Variants in ASZ1 observed in about 807,000 individuals in gnomAD.
The protein encoded by ASZ1 is ankyrin repeat, SAM and basic leucine zipper domain-containing protein 1.
In ASZ1, 67 loss-of-function variants were observed where a neutral mutation model predicts 61.8. The ratio of observed to expected loss-of-function variants is 1.08; its 90% CI spans 0.89 to 1.33. The LOEUF (loss-of-function observed/expected upper bound fraction) is 1.33. Ranked by LOEUF, ASZ1 falls within the 40% of genes most tolerant of loss-of-function variation. The pLI is 0.00. For missense variants in ASZ1, 577 were observed against 554.5 expected (o/e 1.04, Z -0.41); for synonymous variants, 193 against 192.7 (o/e 1.00, Z -0.01).
chr7:117,384,610 A>G, intron 6 of ASZ1, 116 bp downstream of exon 6: 1 of 1,212,860 alleles, frequency 8.2e-7, no homozygotes, highest in Non-Finnish European at 1.1e-6. Context: ...TAAACATTTA[A>G]TAATTGCCAG....
chr7:117,420,096 TA>T (rs1797072178), intron 4 of ASZ1, 66 bp downstream of exon 4: 4 of 1,175,802 alleles, frequency 3.4e-6, no homozygotes, highest in South Asian at 1.5e-5. Context: ...TCATGATTTT[TA>T]AAAGGCTGAT....
chr7:117,372,748 A>G (rs1796070780), intron 10 of ASZ1, among the ~76,000 whole-genome samples: 1 of 152,038 alleles, frequency 6.6e-6, no homozygotes, highest in Non-Finnish European at 1.5e-5. Flanking sequence ...GACTGGTACT[A>G]TTTTCTCTCA....
At chr7:117,385,622 A>G in intron 5 of ASZ1, 76 bp downstream of exon 5, 1 of 1,197,082 alleles carries the variant, frequency 8.4e-7, no homozygotes, top group Non-Finnish European at 1.2e-6. Flanking sequence ...TGTAATTATT[A>G]CTTCTTAAAA....
intron 4 of ASZ1, among the ~76,000 whole-genome samples, chr7:117,419,401 A>C (rs1434541619): frequency 2.6e-5 from 4 of 152,184 alleles, no homozygotes; most frequent in Admixed American, 6.5e-5. Flanking sequence ...TTAGAAAAAA[A>C]CTTCCAGAGT....
chr7:117,419,722 C>T (rs1473733994), intron 4 of ASZ1, among the ~76,000 whole-genome samples: 2 of 152,102 alleles, frequency 1.3e-5, no homozygotes, highest in East Asian at 3.9e-4. Context: ...CATGTTATTA[C>T]CTAGTTAATT....
At chr7:117,368,252 T>G in intron 11 of ASZ1, 1 of 977,166 alleles carries the variant, frequency 1.0e-6, no homozygotes, top group Non-Finnish European at 1.2e-6. Context: ...ATTCTAAATT[T>G]ATTTAAAAAT....
intron 10 of ASZ1, among the ~76,000 whole-genome samples, chr7:117,371,251 A>G (rs148772083): frequency 4.9e-4 from 74 of 152,326 alleles, no homozygotes; most frequent in Middle Eastern, 3.4e-3. Context: ...TCAGCCTCCA[A>G]TGAAAATAAT....
At chr7:117,375,568 T>C (rs1285987452) in intron 10 of ASZ1, among the ~76,000 whole-genome samples, 1 of 152,234 alleles carries the variant, frequency 6.6e-6, no homozygotes, top group Middle Eastern at 3.4e-3. Context: ...CTTAATGCTC[T>C]ATGTCTCCAT....
chr7:117,407,746 G>C (rs1036395344), intron 4 of ASZ1, among the ~76,000 whole-genome samples: 4 of 152,166 alleles, frequency 2.6e-5, no homozygotes, highest in Non-Finnish European at 5.9e-5. Flanking sequence ...GAAGCAGGGT[G>C]AATGACAGGC....
chr7:117,368,128 T>C (rs1795978687), intron 11 of ASZ1: 2 of 528,708 alleles, frequency 3.8e-6, no homozygotes, highest in Non-Finnish European at 4.8e-6. Context: ...GGTCTCACCA[T>C]GCTGCTCAGG....
At chr7:117,379,164 TATATACACAC>T (rs1231321416) in intron 10 of ASZ1, among the ~76,000 whole-genome samples, 5 of 59,502 alleles carry the variant, frequency 8.4e-5, no homozygotes, top group African/African-American at 2.7e-4. Flanking sequence ...TATATATATA[TATATACACAC>T]ACACACACAC....
Position 117,383,109 on chromosome 7 carries a change from ATCTG to A in ASZ1, c.688-3_688del. ...TAAAGTAAAAGAAAGTAAGTTGAAG[ATCTG>A]AAAAAAGTTAACATCATTCAAATAT... On this transcript the variant is annotated splice_acceptor_variant and splice_polypyrimidine_tract_variant and coding_sequence_variant and intron_variant, in exon 7 of 13. Transcript: ENST00000284629. LOFTEE classifies it high-confidence loss of function. 6.5e-7 allele frequency: 1 copy of A among 1,550,308 alleles called. No individual in the cohort carries two copies. Among genetic ancestry groups the A allele is most frequent in the African/African-American group, 1.4e-5 (1 of 71,442 alleles).
chr7:117,422,646 C>CT lies in ASZ1; in HGVS notation c.206-288dup, dbSNP rs199540432. On this transcript the variant is annotated intron_variant, in intron 2 of 12. Transcript: ENST00000284629. The stretch of plus-strand genomic sequence containing the variant: ...ATTATAACAGGTTTTTACATGCTAC[C>CT]TTTTTTTTCTCTAGGGGAGCTGGAA... Among the ~76,000 whole-genome samples the CT allele has an allele frequency of 9.7e-3, 1,471 of 152,012 alleles. 6 individuals carry two copies. Among genetic ancestry groups the CT allele is most frequent in the Non-Finnish European group, 0.015 (1,036 of 67,958 alleles).
intron 4 of ASZ1, among the ~76,000 whole-genome samples, chr7:117,413,463 G>A (rs116113028): frequency 2.0e-3 from 309 of 152,014 alleles, no homozygotes; most frequent in African/African-American, 7.0e-3. Flanking sequence ...TCTAAAGCCC[G>A]GAAACAAATT....
At chr7:117,387,880 A>G (rs1796391220) in intron 4 of ASZ1, among the ~76,000 whole-genome samples, 2 of 152,204 alleles carry the variant, frequency 1.3e-5, no homozygotes, top group African/African-American at 2.4e-5. Context: ...CCTTATTAAG[A>G]GAAGATCAGT....
chr7:117,426,488 C>CAAAAAAAAAAAAAAAAAAAAAAA (rs10625452), intron 2 of ASZ1, among the ~76,000 whole-genome samples: 5 of 34,000 alleles, frequency 1.5e-4, no homozygotes, highest in African/African-American at 5.1e-4. Context: ...GATAACATCT[C>CAAAAAAAAAAAAAAAAAAAAAAA]AAAAAAAAAA....
intron 4 of ASZ1, among the ~76,000 whole-genome samples, chr7:117,416,946 T>G (rs1387421650): frequency 1.3e-5 from 2 of 152,150 alleles, no homozygotes; most frequent in African/African-American, 4.8e-5. Flanking sequence ...TACTTTCATT[T>G]TAAGATCTAC....
chr7:117,417,688 TCAAGAAAA>T (rs1797022640), intron 4 of ASZ1, among the ~76,000 whole-genome samples: 1 of 152,314 alleles, frequency 6.6e-6, no homozygotes, highest in South Asian at 2.1e-4. Flanking sequence ...TTCAGCTCTA[TCAAGAAAA>T]CACAATTCAA....
chr7:117,370,810 G>GTA (rs1214675521), intron 10 of ASZ1, among the ~76,000 whole-genome samples: 2 of 147,384 alleles, frequency 1.4e-5, no homozygotes, highest in African/African-American at 5.1e-5. Flanking sequence ...GTAATTGTGT[G>GTA]TGTGTGTGTG....
Sources: gnomAD v4.1 joint callset for allele counts (sites outside exome capture counted in the v4.1 genomes callset) on GRCh38, gnomAD v4.1.1 for gene constraint, MANE v1.5 for transcripts, NCBI Gene and HGNC (gene_info 2026-07-23, HGNC 2026-07-21) for gene names.